KCNIP1: variants seen among roughly 807,000 people sequenced by gnomAD.
The protein encoded by KCNIP1 is potassium voltage-gated channel interacting protein 1, also known as A-type potassium channel modulatory protein KCNIP1.
Under a neutral mutation model 33.0 loss-of-function variants are expected in KCNIP1, and 18 were observed. The observed-to-expected ratio is 0.55, with a 90% CI of 0.38 to 0.81. The LOEUF is 0.81. KCNIP1 is among the 30% of genes least tolerant of loss of function. The probability of loss-of-function intolerance (pLI) is 0.00; values close to 1 mark genes in which losing one functional copy is unlikely to be tolerated. For missense variants in KCNIP1, 238 were observed against 271.6 expected (o/e 0.88, Z 0.87); for synonymous variants, 93 against 98.3 (o/e 0.95, Z 0.32).
intron 1 of KCNIP1, among the ~76,000 whole-genome samples, chr5:170,575,687 C>A (rs752363903): frequency 6.5e-4 from 99 of 152,110 alleles, no homozygotes; most frequent in Non-Finnish European, 4.0e-4. Flanking sequence ...TCCTTTGTAC[C>A]CCCTCAGCCC....
chr5:170,624,508 C>T (rs1759737620), intron 1 of KCNIP1, among the ~76,000 whole-genome samples: 1 of 152,052 alleles, frequency 6.6e-6, no homozygotes, highest in Admixed American at 6.6e-5. Flanking sequence ...CATTTTACAA[C>T]ATCTCTGGCT....
chr5:170,665,581 G>A (rs1166663995), intron 1 of KCNIP1, among the ~76,000 whole-genome samples: 2 of 152,192 alleles, frequency 1.3e-5, no homozygotes, highest in Non-Finnish European at 2.9e-5. Context: ...TAACAGCTTA[G>A]GTTAACACTG....
intron 1 of KCNIP1, among the ~76,000 whole-genome samples, chr5:170,636,322 G>A (rs370310016): frequency 6.6e-6 from 1 of 152,116 alleles, no homozygotes; most frequent in African/African-American, 2.4e-5. Context: ...GAGCCCTGAG[G>A]GGGGCAGAAA....
chr5:170,670,313 A>T (rs975525914), intron 1 of KCNIP1, among the ~76,000 whole-genome samples: 1 of 152,198 alleles, frequency 6.6e-6, no homozygotes, highest in African/African-American at 2.4e-5. Flanking sequence ...TTGAAAGATG[A>T]AGGTAGATGA....
At chr5:170,475,097 G>T in intron 1 of KCNIP1, among the ~76,000 whole-genome samples, 1 of 152,118 alleles carries the variant, frequency 6.6e-6, no homozygotes. Context: ...GTGCTGATTG[G>T]TGCATTTTGA....
At chr5:170,630,138 T>C (rs1279143451) in intron 1 of KCNIP1, among the ~76,000 whole-genome samples, 3 of 152,108 alleles carry the variant, frequency 2.0e-5, no homozygotes, top group African/African-American at 4.8e-5. Context: ...AGGGGCCAGA[T>C]GCCAACTCGA....
rs116808671 is a variant in KCNIP1, at chr5:170,441,061, T to C, written c.88+87097T>C. Among the ~76,000 whole-genome samples the C allele has an allele frequency of 2.0e-3, 303 of 152,314 alleles. 1 individual carries two copies. The highest frequency in any genetic ancestry group is 7.0e-3 in the African/African-American group (293 of 41,566). On this transcript the variant is annotated intron_variant, in intron 1 of 7. Transcript: ENST00000377360. ...CAGACGTGACCATGGGTAACAGGCA[T>C]GAATTTTAGTCTCTGCATGCTCAGG...
chr5:170,368,688 G>A (rs1402374107), intron 1 of KCNIP1, among the ~76,000 whole-genome samples: 1 of 152,142 alleles, frequency 6.6e-6, no homozygotes, highest in Non-Finnish European at 1.5e-5. Context: ...TCTCAGTATG[G>A]GAACGCATGA....
chr5:170,475,268 T>C (rs1222587586), intron 1 of KCNIP1, among the ~76,000 whole-genome samples: 2 of 152,242 alleles, frequency 1.3e-5, no homozygotes, highest in Admixed American at 1.3e-4. Context: ...CTCCAAGCTT[T>C]TTTATTTCAT....
intron 5 of KCNIP1, among the ~76,000 whole-genome samples, chr5:170,728,703 T>C (rs1004820414): frequency 1.3e-5 from 2 of 152,238 alleles, no homozygotes; most frequent in South Asian, 2.1e-4. Flanking sequence ...ATTATAAAGA[T>C]AGCAATATTA....
intron 1 of KCNIP1, among the ~76,000 whole-genome samples, chr5:170,580,499 A>C (rs11134638): frequency 6.6e-6 from 1 of 151,916 alleles, no homozygotes; most frequent in Non-Finnish European, 1.5e-5. Context: ...AAGTCGGTAG[A>C]CTTCAGGAGC....
At position 170,492,367 on chromosome 5, in the gene KCNIP1, A is replaced by G. The variant is rs11739856; in HGVS notation, c.88+138403A>G. On this transcript the variant is annotated intron_variant, in intron 1 of 7. Coordinates refer to the KCNIP1 transcript ENST00000377360. Reference sequence around the variant, plus strand: ...AAGATATGGGGTTGGGGGATGAGGCATCGAGTTTCTATGCCCTCTCCAGGC... The same window carrying G: ...AAGATATGGGGTTGGGGGATGAGGCGTCGAGTTTCTATGCCCTCTCCAGGC... Among the ~76,000 whole-genome samples the G allele has an allele frequency of 9.1e-3, 1,387 of 152,362 alleles. 10 individuals are homozygous for G. The highest frequency in any genetic ancestry group is 0.014 in the Non-Finnish European group (971 of 68,034).
exon 1 of KCNIP1, chr5:170,353,909 G>A: frequency 6.2e-7 from 1 of 1,614,214 alleles, no homozygotes; most frequent in Non-Finnish European, 8.5e-7. Flanking sequence ...GCAAGCTTGG[G>A]TTCGTGAAAT....
intron 1 of KCNIP1, among the ~76,000 whole-genome samples, chr5:170,562,639 C>T (rs781162620): frequency 3.9e-5 from 6 of 152,224 alleles, no homozygotes; most frequent in Non-Finnish European, 8.8e-5. Flanking sequence ...TTCCTCATCC[C>T]CTGCACGCCG....
At chr5:170,689,501 A>G (rs913248952) in intron 1 of KCNIP1, among the ~76,000 whole-genome samples, 2 of 152,234 alleles carry the variant, frequency 1.3e-5, no homozygotes, top group Non-Finnish European at 2.9e-5. Flanking sequence ...AACAACTAGT[A>G]AGTAGCTGAA....
intron 1 of KCNIP1, among the ~76,000 whole-genome samples, chr5:170,485,335 G>T (rs574415955): frequency 6.6e-6 from 1 of 152,200 alleles, no homozygotes; most frequent in Non-Finnish European, 1.5e-5. Flanking sequence ...CCCTCAGCTG[G>T]ATTTCTTAAG....
chr5:170,408,446 A>G (rs867958060), intron 1 of KCNIP1, among the ~76,000 whole-genome samples: 4 of 152,170 alleles, frequency 2.6e-5, no homozygotes, highest in African/African-American at 4.8e-5. Context: ...CATGTAATTT[A>G]ATAGGAGCCA....
intron 1 of KCNIP1, among the ~76,000 whole-genome samples, chr5:170,612,953 G>T (rs954053410): frequency 6.6e-6 from 1 of 152,152 alleles, no homozygotes; most frequent in Non-Finnish European, 1.5e-5. Context: ...GCCTCCTGAA[G>T]GTTCCTCTGC....
At chr5:170,653,130 C>G (rs957352609) in intron 1 of KCNIP1, among the ~76,000 whole-genome samples, 1 of 152,198 alleles carries the variant, frequency 6.6e-6, no homozygotes, top group African/African-American at 2.4e-5. Context: ...GACATGCAGA[C>G]AGCGATTGGA....
Sources: allele counts gnomAD v4.1 joint callset (sites outside exome capture counted in the v4.1 genomes callset), GRCh38; gene constraint gnomAD v4.1.1; transcripts MANE v1.5; gene names NCBI Gene and HGNC (gene_info 2026-07-23, HGNC 2026-07-21).